Variants in CHL1 observed in about 807,000 individuals in gnomAD.
CHL1 encodes the protein cell adhesion molecule L1 like, also known as neural cell adhesion molecule L1-like protein.
A neutral mutation model predicts 141.9 loss-of-function variants in CHL1; 96 were observed. The ratio of observed to expected loss-of-function variants is 0.68; its 90% CI spans 0.57 to 0.80. CHL1 has a LOEUF of 0.80. Ranked by LOEUF, CHL1 falls within the 30% of genes least tolerant of loss-of-function variation. The pLI is 0.00. For synonymous variants in CHL1, 613 were observed against 502.2 expected (o/e 1.22, Z -2.95); for missense variants, 1,820 against 1,457.2 (o/e 1.25, Z -4.05).
chr3:254,190 C>T (rs1176544674), intron 2 of CHL1, among the ~76,000 whole-genome samples: 2 of 152,166 alleles, frequency 1.3e-5, no homozygotes, highest in African/African-American at 4.8e-5. Flanking sequence ...GTCCCCTTTC[C>T]AGGGAAGCCC....
intron 5 of CHL1, among the ~76,000 whole-genome samples, chr3:338,721 G>A (rs1446195266): frequency 1.3e-5 from 2 of 152,130 alleles, no homozygotes; most frequent in African/African-American, 4.8e-5. Context: ...GAAGATTTAT[G>A]GCACGCGATA....
intron 2 of CHL1, among the ~76,000 whole-genome samples, chr3:249,096 A>G (rs1693444834): frequency 6.6e-6 from 1 of 152,188 alleles, no homozygotes. Context: ...TAAACAGTGG[A>G]TTTTATTGGA....
At chr3:326,646 T>C (rs1010224815) in intron 4 of CHL1, among the ~76,000 whole-genome samples, 1 of 151,886 alleles carries the variant, frequency 6.6e-6, no homozygotes, top group African/African-American at 2.4e-5. Context: ...TTTTTCAAAA[T>C]ACCTTCTATG....
intron 5 of CHL1, among the ~76,000 whole-genome samples, chr3:337,761 A>G (rs993370898): frequency 1.3e-5 from 2 of 152,122 alleles, no homozygotes; most frequent in Non-Finnish European, 2.9e-5. Flanking sequence ...AATCCAGTCT[A>G]TCATTGTTGG....
At chr3:245,595 T>A (rs1261357555) in intron 2 of CHL1, among the ~76,000 whole-genome samples, 3 of 152,128 alleles carry the variant, frequency 2.0e-5, no homozygotes, top group Non-Finnish European at 2.9e-5. Context: ...GCACATTATG[T>A]CACCAAGAGA....
chr3:204,308 C>T (rs1260635299), intron 1 of CHL1, among the ~76,000 whole-genome samples: 44 of 152,184 alleles, frequency 2.9e-4, no homozygotes, highest in Admixed American at 2.9e-3. Flanking sequence ...GTTATGATGC[C>T]TGGGAAAGCG....
At chr3:234,649 A>G (rs1691767823) in intron 1 of CHL1, among the ~76,000 whole-genome samples, 1 of 152,124 alleles carries the variant, frequency 6.6e-6, no homozygotes, top group African/African-American at 2.4e-5. Flanking sequence ...TCAGAGGTTG[A>G]AAGCCACTTG....
intron 5 of CHL1, among the ~76,000 whole-genome samples, chr3:329,750 A>G (rs531255650): frequency 6.6e-6 from 1 of 152,222 alleles, no homozygotes; most frequent in Admixed American, 6.5e-5. Flanking sequence ...GTTGAAATGA[A>G]AAAGACAGAA....
In CHL1 at chr3:360,181, A is replaced by T. The variant is rs533105549; in HGVS notation, c.1166-103A>T. 1.5e-4 allele frequency: 206 copies of T among 1,338,120 alleles called. 1 individual carries two copies. In the South Asian group the frequency reaches 2.8e-3, roughly 18 times the overall value. The allele number at this position is 1,338,120 out of a possible 1,614,324, so 82.9% of individuals were successfully genotyped here. On this transcript the variant is annotated intron_variant, in intron 11 of 27. Coordinates refer to ENST00000256509, the MANE Select transcript of CHL1 (RefSeq NM_006614.4). ...TTCAATGAACTATTAGTCACCCTAA[A>T]CTGGTTTGAAAATATAAATACTGTG...
At chr3:323,595 A>C (rs555393367) in intron 3 of CHL1, among the ~76,000 whole-genome samples, 1 of 152,220 alleles carries the variant, frequency 6.6e-6, no homozygotes, top group Non-Finnish European at 1.5e-5. Context: ...AGGACTCTAA[A>C]ATTTCCCATC....
chr3:219,427 C>T (rs370429777), intron 1 of CHL1, among the ~76,000 whole-genome samples: 1 of 152,066 alleles, frequency 6.6e-6, no homozygotes, highest in Non-Finnish European at 1.5e-5. Context: ...TAAAATCAAC[C>T]TAAATGCCCA....
intron 1 of CHL1, among the ~76,000 whole-genome samples, chr3:233,794 T>C (rs1205954662): frequency 6.6e-6 from 1 of 152,100 alleles, no homozygotes; most frequent in Non-Finnish European, 1.5e-5. Flanking sequence ...AACTATATTC[T>C]ACATATTTAA....
intron 2 of CHL1, chr3:248,303 A>G (rs1404852853): frequency 1.3e-5 from 2 of 152,136 alleles, no homozygotes; most frequent in African/African-American, 2.4e-5. Context: ...GTATACTTAT[A>G]TTTCATTATA....
intron 2 of CHL1, among the ~76,000 whole-genome samples, chr3:297,147 G>C (rs375714667): frequency 1.3e-4 from 20 of 152,104 alleles, no homozygotes; most frequent in African/African-American, 3.9e-4. Flanking sequence ...GATTGCTTGA[G>C]TCGGGGAGAT....
intron 13 of CHL1, among the ~76,000 whole-genome samples, chr3:362,271 C>T (rs1704334423): frequency 1.3e-5 from 2 of 152,120 alleles, no homozygotes; most frequent in African/African-American, 4.8e-5. Context: ...AGTCCAAAGA[C>T]ATTATCAATA....
intron 1 of CHL1, among the ~76,000 whole-genome samples, chr3:212,517 C>T (rs1411324836): frequency 6.6e-6 from 1 of 152,090 alleles, no homozygotes; most frequent in Non-Finnish European, 1.5e-5. Context: ...GGATTTCTGC[C>T]TCGAACAGTC....
At chr3:235,120 A>G (rs527880156) in intron 1 of CHL1, among the ~76,000 whole-genome samples, 21 of 152,170 alleles carry the variant, frequency 1.4e-4, no homozygotes, top group African/African-American at 4.8e-4. Flanking sequence ...GTCATCTAGC[A>G]TTAGGTATAT....
At position 406,841 on chromosome 3, in the gene CHL1, A is replaced by T. The variant is rs937989149; in HGVS notation, c.*1130A>T. ...TTCAACAGTTTCAAAATAAAATATC[A>T]TATAAATATTGAGGGAAATGTTTTC... On this transcript the variant is annotated 3_prime_UTR_variant, in exon 28 of 28. Coordinates refer to ENST00000256509, the MANE Select transcript of CHL1 (RefSeq NM_006614.4). 2.6e-5 allele frequency: 4 copies of T among 152,134 alleles called. No individual in the cohort carries two copies. Among genetic ancestry groups the T allele is most frequent in the African/African-American group, 9.7e-5 (4 of 41,444 alleles). The allele number at this position is 152,134 out of a possible 1,614,324, so 9.4% of individuals were successfully genotyped here.
At chr3:256,149 A>G (rs999510789) in intron 2 of CHL1, among the ~76,000 whole-genome samples, 3 of 152,236 alleles carry the variant, frequency 2.0e-5, no homozygotes, top group Non-Finnish European at 4.4e-5. Flanking sequence ...GCTTCTGTGT[A>G]TGCATAAGTG....
Sources: allele counts gnomAD v4.1 joint callset (sites outside exome capture counted in the v4.1 genomes callset), GRCh38; gene constraint gnomAD v4.1.1; transcripts MANE v1.5; gene names NCBI Gene and HGNC (gene_info 2026-07-23, HGNC 2026-07-21).